Variants in MARCHF1 observed in about 807,000 individuals in gnomAD.
MARCHF1 encodes membrane associated ring-CH-type finger 1, also known as E3 ubiquitin-protein ligase MARCHF1.
A neutral mutation model predicts 54.2 loss-of-function variants in MARCHF1; 40 were observed. The observed-to-expected ratio is 0.74, with a 90% CI of 0.57 to 0.96. MARCHF1 has a LOEUF of 0.96. Among genes scored for constraint, MARCHF1 ranks in the 40% least tolerant of loss-of-function variants. The pLI, the probability that MARCHF1 is intolerant of heterozygous loss-of-function variation, is 0.00. For synonymous variants in MARCHF1, 236 were observed against 236.3 expected (o/e 1.00, Z 0.01); for missense variants, 586 against 656.5 (o/e 0.89, Z 1.17).
At chr4:164,241,133 C>T (rs1732732103) in intron 1 of MARCHF1, among the ~76,000 whole-genome samples, 1 of 152,144 alleles carries the variant, frequency 6.6e-6, no homozygotes, top group South Asian at 2.1e-4. Flanking sequence ...TACCAAGGAA[C>T]TGACTCAACT....
intron 4 of MARCHF1, among the ~76,000 whole-genome samples, chr4:163,805,533 G>A (rs1270708606): frequency 6.6e-6 from 1 of 152,146 alleles, no homozygotes; most frequent in African/African-American, 2.4e-5. Flanking sequence ...TTGTCCTACT[G>A]CACAGAAGTA....
chr4:164,223,741 A>T (rs897710221), intron 1 of MARCHF1, among the ~76,000 whole-genome samples: 2 of 151,750 alleles, frequency 1.3e-5, no homozygotes, highest in African/African-American at 4.8e-5. Context: ...CAGTTTTCAA[A>T]GTGTGTTTCC....
At chr4:163,995,103 C>T (rs1220848015) in intron 2 of MARCHF1, among the ~76,000 whole-genome samples, 3 of 151,968 alleles carry the variant, frequency 2.0e-5, no homozygotes, top group Non-Finnish European at 4.4e-5. Context: ...ACCAGACTGT[C>T]CCCCAACCTT....
intron 2 of MARCHF1, among the ~76,000 whole-genome samples, chr4:164,105,494 G>C (rs1195593431): frequency 7.3e-6 from 1 of 136,976 alleles, no homozygotes; most frequent in Non-Finnish European, 1.6e-5. Flanking sequence ...TGACAAACCT[G>C]AGAAAAACAA....
At chr4:164,157,855 C>T (rs999105347) in intron 1 of MARCHF1, among the ~76,000 whole-genome samples, 1 of 152,074 alleles carries the variant, frequency 6.6e-6, no homozygotes, top group African/African-American at 2.4e-5. Flanking sequence ...ATGATTACAA[C>T]ATATATTTTT....
chr4:164,174,832 A>G (rs189975673), intron 1 of MARCHF1, among the ~76,000 whole-genome samples: 1 of 152,338 alleles, frequency 6.6e-6, no homozygotes, highest in East Asian at 1.9e-4. Context: ...TATTAAGATA[A>G]AAGAGTCATG....
Position 163,791,321 on chromosome 4 carries a change from C to T in MARCHF1, c.111+62700G>A, listed in dbSNP as rs181324509. Among the ~76,000 whole-genome samples the T allele has an allele frequency of 4.6e-3, 694 of 152,080 alleles. 2 individuals carry two copies. Among genetic ancestry groups the T allele is most frequent in the Middle Eastern group, 0.017 (5 of 294 alleles). Reference sequence around the variant, plus strand: ...TCATCATAATATGCCCATATAAAAGCCACACACATATAGTATTACTAAAAT... The same window carrying T: ...TCATCATAATATGCCCATATAAAAGTCACACACATATAGTATTACTAAAAT... On this transcript the variant is annotated intron_variant, in intron 4 of 9. Transcript: ENST00000514618.
chr4:163,887,141 C>T (rs1750555487), intron 3 of MARCHF1, among the ~76,000 whole-genome samples: 3 of 151,914 alleles, frequency 2.0e-5, no homozygotes. Context: ...ACAATAATTA[C>T]ATAATCATAT....
At chr4:163,722,507 T>C (rs984810167) in intron 4 of MARCHF1, among the ~76,000 whole-genome samples, 8 of 152,326 alleles carry the variant, frequency 5.3e-5, no homozygotes, top group African/African-American at 1.7e-4. Flanking sequence ...GTATATTCTG[T>C]TGATTTGGGG....
intron 4 of MARCHF1, among the ~76,000 whole-genome samples, chr4:163,827,014 CA>C (rs1436385710): frequency 3.3e-5 from 5 of 151,830 alleles, no homozygotes; most frequent in African/African-American, 1.2e-4. Flanking sequence ...TTAACGACTA[CA>C]AAATATGGTA....
chr4:164,242,420 G>C (rs1232420195), intron 1 of MARCHF1, among the ~76,000 whole-genome samples: 7 of 144,964 alleles, frequency 4.8e-5, no homozygotes, highest in Admixed American at 4.2e-4. Flanking sequence ...TGAGGGTCCT[G>C]TCTGTTAGAA....
Position 164,354,181 on chromosome 4 carries a change from G to C in MARCHF1, c.-323+29689C>G, listed in dbSNP as rs1196163852. Among the ~76,000 whole-genome samples, 4 of 110,072 alleles carry C rather than the reference G, an allele frequency of 3.6e-5. 1 individual carries two copies. Among genetic ancestry groups the C allele is most frequent in the Non-Finnish European group, 7.9e-5 (4 of 50,544 alleles). 72.2% of individuals were successfully genotyped at this position (110,072 alleles called of 152,430 possible). The stretch of plus-strand genomic sequence containing the variant: ...GGATTCACAGCCGAATTCTACCAGA[G>C]GTACAAGGAGGAACTGGTACCATTC... On this transcript the variant is annotated intron_variant, in intron 1 of 9. Transcript: ENST00000514618.
chr4:163,545,265 A>T (rs1383393755), intron 9 of MARCHF1, among the ~76,000 whole-genome samples: 2 of 152,212 alleles, frequency 1.3e-5, no homozygotes. Context: ...CTTCATTTTT[A>T]CAGCCATTTG....
intron 4 of MARCHF1, among the ~76,000 whole-genome samples, chr4:163,838,361 G>A (rs779249302): frequency 2.8e-4 from 43 of 152,008 alleles, no homozygotes; most frequent in Middle Eastern, 3.2e-3. Flanking sequence ...TTTTTAGGGA[G>A]TAATGGCAAG....
intron 8 of MARCHF1, among the ~76,000 whole-genome samples, chr4:163,548,062 T>A (rs1245389241): frequency 6.6e-6 from 1 of 152,104 alleles, no homozygotes; most frequent in East Asian, 1.9e-4. Flanking sequence ...GTTAATTGAG[T>A]TTTTTCAAAA....
chr4:163,841,936 G>A (rs1303336148), intron 4 of MARCHF1, among the ~76,000 whole-genome samples: 1 of 152,026 alleles, frequency 6.6e-6, no homozygotes, highest in East Asian at 1.9e-4. Flanking sequence ...GAATCACAAA[G>A]CTGTACTTAT....
chr4:163,917,883 C>T (rs1291330072), intron 3 of MARCHF1, among the ~76,000 whole-genome samples: 3 of 152,150 alleles, frequency 2.0e-5, no homozygotes, highest in Admixed American at 6.6e-5. Flanking sequence ...GTTTCTTTTG[C>T]TGTGCAGAAG....
intron 1 of MARCHF1, among the ~76,000 whole-genome samples, chr4:164,176,960 C>CCATATA (rs1219207934): frequency 1.7e-4 from 8 of 47,844 alleles, no homozygotes; most frequent in Non-Finnish European, 1.9e-4. Flanking sequence ...CTCTCTCTCT[C>CCATATA]TCTCTCTCTC....
At chr4:164,331,686 T>C (rs906616711) in intron 1 of MARCHF1, among the ~76,000 whole-genome samples, 23 of 152,214 alleles carry the variant, frequency 1.5e-4, no homozygotes, top group East Asian at 1.9e-4. Context: ...AGAGTGTATG[T>C]GTATATAAAT....
Sources: allele counts gnomAD v4.1 joint callset (sites outside exome capture counted in the v4.1 genomes callset), GRCh38; gene constraint gnomAD v4.1.1; transcripts MANE v1.5; gene names NCBI Gene and HGNC (gene_info 2026-07-23, HGNC 2026-07-21).